RAB30: variants seen among roughly 807,000 people sequenced by gnomAD.
RAB30 encodes the protein RAB30, member RAS oncogene family.
RAB30 carries 9 observed loss-of-function variants against 25.1 expected under a neutral mutation model. The observed-to-expected ratio is 0.36, with a 90% CI of 0.22 to 0.63. The LOEUF is 0.63. Among genes scored for constraint, RAB30 ranks in the 20% least tolerant of loss-of-function variants. The pLI, the probability that RAB30 is intolerant of heterozygous loss-of-function variation, is 0.69. For missense variants in RAB30, 140 were observed against 243.5 expected, an observed-to-expected ratio of 0.58 and a Z score of 2.83; for synonymous variants, 77 against 86.4, an observed-to-expected ratio of 0.89 and a Z score of 0.60.
In RAB30 at chr11:83,064,340, T is replaced by C. The variant is rs531708736; in HGVS notation, c.-9+7351A>G. 1.2e-4 allele frequency among the ~76,000 whole-genome samples: 18 copies of C among 152,332 alleles called. 1 individual carries two copies. In the East Asian group the frequency reaches 3.5e-3, roughly 29 times the overall value. ...CCAGGCTGGTCTCAAAGTCCTGGACTCAAGCAATTCACCTGTCTCAGCCTC... is the reference window on the plus strand; with the variant it reads ...CCAGGCTGGTCTCAAAGTCCTGGACCCAAGCAATTCACCTGTCTCAGCCTC... On this transcript the variant is annotated intron_variant, in intron 1 of 4. Coordinates refer to ENST00000527633, the MANE Select transcript of RAB30 (RefSeq NM_001286060.2).
intron 1 of RAB30, among the ~76,000 whole-genome samples, chr11:83,033,039 A>G (rs1349406641): frequency 7.0e-6 from 1 of 143,232 alleles, no homozygotes; most frequent in Non-Finnish European, 1.5e-5. Flanking sequence ...CCTAGGGAAC[A>G]TGTTTGCCTC....
At chr11:83,043,667 A>C (rs917234498) in intron 1 of RAB30, among the ~76,000 whole-genome samples, 10 of 152,102 alleles carry the variant, frequency 6.6e-5, no homozygotes, top group Non-Finnish European at 1.5e-4. Flanking sequence ...TTTATAAAGA[A>C]AGATAAATCA....
rs1856613682 is a variant in RAB30, at chr11:82,980,121, A to G, written c.*2044T>C. On this transcript the variant is annotated 3_prime_UTR_variant, in exon 5 of 5. Coordinates refer to ENST00000527633, the MANE Select transcript of RAB30 (RefSeq NM_001286060.2). ...GGAACATTTTCTTACAGTTTAAAAA[A>G]AATTCTTCTGCCCTCCTTGATTAAC... 1.3e-5 allele frequency: 2 copies of G among 152,220 alleles called. No homozygotes were observed. The highest frequency in any genetic ancestry group is 2.1e-4 in the South Asian group (1 of 4,838). 9.4% of individuals were successfully genotyped at this position (152,220 alleles called of 1,614,324 possible). A position where few individuals can be genotyped will look rare whatever the true frequency, so the allele number is the denominator to read the frequency against.
chr11:83,059,889 C>T (rs557526287), intron 1 of RAB30, among the ~76,000 whole-genome samples: 2 of 152,094 alleles, frequency 1.3e-5, no homozygotes, highest in East Asian at 3.9e-4. Flanking sequence ...AATCATGGGT[C>T]CAAGTGATAT....
At chr11:82,982,996 A>T (rs910971109) in intron 4 of RAB30, among the ~76,000 whole-genome samples, 22 of 152,220 alleles carry the variant, frequency 1.4e-4, no homozygotes, top group Admixed American at 1.4e-3. Flanking sequence ...CTGCCATAAA[A>T]ATCAATTAGG....
intron 1 of RAB30, among the ~76,000 whole-genome samples, chr11:83,018,999 T>C (rs1857502465): frequency 6.6e-6 from 1 of 152,174 alleles, no homozygotes; most frequent in Non-Finnish European, 1.5e-5. Context: ...TTTGGCTTTA[T>C]TTGAGTGTAA....
intron 2 of RAB30, among the ~76,000 whole-genome samples, chr11:82,997,015 A>AT (rs1856973238): frequency 6.6e-6 from 1 of 151,858 alleles, no homozygotes; most frequent in Non-Finnish European, 1.5e-5. Flanking sequence ...GTTGGTGGAG[A>AT]CTCCCAGGGC....
chr11:83,042,947 G>A (rs1417200169), intron 1 of RAB30, among the ~76,000 whole-genome samples: 5 of 152,074 alleles, frequency 3.3e-5, no homozygotes, highest in Non-Finnish European at 7.3e-5. Context: ...GATTAAAAAC[G>A]AACCAACAGT....
chr11:83,046,714 C>T (rs1858242007), intron 1 of RAB30, among the ~76,000 whole-genome samples: 2 of 152,034 alleles, frequency 1.3e-5, no homozygotes, highest in African/African-American at 2.4e-5. Flanking sequence ...AAGCTGGTCT[C>T]GAACTCCTGG....
rs879909170 is a variant in RAB30, at chr11:82,978,528, T to C, written c.*3637A>G. The C allele has an allele frequency of 1.3e-5, 2 of 151,926 alleles. No individual in the cohort carries two copies. Among genetic ancestry groups the C allele is most frequent in the Non-Finnish European group, 2.9e-5 (2 of 67,936 alleles). The allele number at this position is 151,926 out of a possible 1,614,324, so 9.4% of individuals were successfully genotyped here. A position where few individuals can be genotyped will look rare whatever the true frequency, so the allele number is the denominator to read the frequency against. On this transcript the variant is annotated 3_prime_UTR_variant, in exon 5 of 5. Coordinates refer to ENST00000527633, the MANE Select transcript of RAB30 (RefSeq NM_001286060.2). Reference sequence around the variant, plus strand: ...AAAAGATTTTTTTCTGATTGTGCTATTTCATTCATGTGGCTTGGCTTAAAA... The same window carrying C: ...AAAAGATTTTTTTCTGATTGTGCTACTTCATTCATGTGGCTTGGCTTAAAA...
rs1261664354 is a variant in RAB30, at chr11:83,043,633, C to T, written c.-9+28058G>A. ...AGAGATAAAGGATCATGATGTCTGC[C>T]CTACCCCCTAGTGTAAATATGCATT... On this transcript the variant is annotated intron_variant, in intron 1 of 4. Transcript: ENST00000527633. Among the ~76,000 whole-genome samples, 3 of 152,078 alleles carry T rather than the reference C, an allele frequency of 2.0e-5. No individual in the cohort carries two copies. The South Asian group carries it at 6.2e-4, about 32-fold the overall frequency.
intron 2 of RAB30, among the ~76,000 whole-genome samples, chr11:82,996,448 C>T (rs1013106340): frequency 1.3e-5 from 2 of 152,192 alleles, no homozygotes; most frequent in Non-Finnish European, 2.9e-5. Context: ...GAGCAAGTTC[C>T]AACTTGCTGA....
At chr11:83,049,030 A>C (rs1325742926) in intron 1 of RAB30, among the ~76,000 whole-genome samples, 1 of 152,218 alleles carries the variant, frequency 6.6e-6, no homozygotes, top group Non-Finnish European at 1.5e-5. Flanking sequence ...AATTAATGTA[A>C]AGAGGGGCAG....
chr11:83,068,055 T>C (rs767393965), intron 1 of RAB30, among the ~76,000 whole-genome samples: 3 of 147,120 alleles, frequency 2.0e-5, no homozygotes, highest in Non-Finnish European at 4.5e-5. Flanking sequence ...AATCCAGAGA[T>C]GGAGGCTGCA....
chr11:83,044,224 C>T (rs753421165), intron 1 of RAB30, among the ~76,000 whole-genome samples: 3 of 152,160 alleles, frequency 2.0e-5, no homozygotes, highest in Non-Finnish European at 4.4e-5. Context: ...CATCTCTACC[C>T]CCTGAAAATC....
Position 82,974,912 on chromosome 11 carries a change from A to T in RAB30, c.*7253T>A, listed in dbSNP as rs1225675243. Reference sequence around the variant, plus strand: ...AAAAACCTCTTTTTACTCCTGTATTATCTGAAATTTTGAGCAGAGTTTGTT... The same window carrying T: ...AAAAACCTCTTTTTACTCCTGTATTTTCTGAAATTTTGAGCAGAGTTTGTT... On this transcript the variant is annotated 3_prime_UTR_variant, in exon 5 of 5. Coordinates refer to ENST00000527633, the MANE Select transcript of RAB30 (RefSeq NM_001286060.2). 6.7e-6 allele frequency: 1 copy of T among 148,482 alleles called. No homozygotes were observed. Among genetic ancestry groups the T allele is most frequent in the Non-Finnish European group, 1.5e-5 (1 of 66,920 alleles). The allele number at this position is 148,482 out of a possible 1,614,324, so 9.2% of individuals were successfully genotyped here.
At chr11:83,034,334 C>T (rs1480018011) in intron 1 of RAB30, 1 of 152,426 alleles carries the variant, frequency 6.6e-6, no homozygotes, top group East Asian at 1.9e-4. Flanking sequence ...CTGCTAAGTC[C>T]AACTGCGGTT....
chr11:83,021,763 G>GC (rs1857584889), intron 1 of RAB30, among the ~76,000 whole-genome samples: 1 of 152,226 alleles, frequency 6.6e-6, no homozygotes, highest in African/African-American at 2.4e-5. Context: ...GAAAAGCAAC[G>GC]CCCCAAAGAT....
chr11:83,028,253 G>T (rs943828629), intron 1 of RAB30, among the ~76,000 whole-genome samples: 2 of 151,786 alleles, frequency 1.3e-5, no homozygotes, highest in African/African-American at 4.8e-5. Flanking sequence ...TTCAATAAAA[G>T]GATTGAATGA....
Sources: allele counts gnomAD v4.1 joint callset (sites outside exome capture counted in the v4.1 genomes callset), GRCh38; gene constraint gnomAD v4.1.1; transcripts MANE v1.5; gene names NCBI Gene and HGNC (gene_info 2026-07-23, HGNC 2026-07-21).